DDAH1: variants seen among roughly 807,000 people sequenced by gnomAD.
DDAH1 encodes dimethylarginine dimethylaminohydrolase 1.
In DDAH1, 19 loss-of-function variants were observed where a neutral mutation model predicts 28.8. The observed-to-expected ratio is 0.66, with a 90% confidence interval of 0.46 to 0.97. DDAH1 has a LOEUF of 0.97. DDAH1 is among the 50% of genes least tolerant of loss of function. The pLI, the probability that DDAH1 is intolerant of heterozygous loss-of-function variation, is 0.00. For synonymous variants in DDAH1, 153 were observed against 154.4 expected (o/e 0.99, Z 0.07); for missense variants, 326 against 375.9 (o/e 0.87, Z 1.10).
rs577065608 is a variant in DDAH1, at chr1:85,563,577, T to C, written c.-123+14407A>G. Among the ~76,000 whole-genome samples, 18 of 152,286 alleles carry C rather than the reference T, an allele frequency of 1.2e-4. No homozygotes were observed. In the South Asian group the frequency reaches 3.5e-3, roughly 30 times the overall value. Reference sequence around the variant, plus strand: ...TGTGTTCCAAAACAAAATTCAAGAATATTTTAAGGAATATAATATCTAGCA... The same window carrying C: ...TGTGTTCCAAAACAAAATTCAAGAACATTTTAAGGAATATAATATCTAGCA... On this transcript the variant is annotated intron_variant, in intron 1 of 6. Coordinates refer to the DDAH1 transcript ENST00000426972.
Position 85,328,711 on chromosome 1 carries a change from G to A in DDAH1, c.598-3828C>T, listed in dbSNP as rs560124522. Among the ~76,000 whole-genome samples the A allele has an allele frequency of 9.9e-5, 15 of 152,272 alleles. No individual in the cohort carries two copies. In the South Asian group the frequency reaches 2.9e-3, roughly 29 times the overall value. On this transcript the variant is annotated intron_variant, in intron 4 of 5. Transcript: ENST00000284031. ...CTAAGTAGGACCCCAGTGGTTTGAGGACCTCAGAGAGATCCTTAGAACATG... is the reference window on the plus strand; with the variant it reads ...CTAAGTAGGACCCCAGTGGTTTGAGAACCTCAGAGAGATCCTTAGAACATG...
chr1:85,403,394 G>A (rs2100582408), intron 1 of DDAH1, among the ~76,000 whole-genome samples: 1 of 152,156 alleles, frequency 6.6e-6, no homozygotes, highest in Non-Finnish European at 1.5e-5. Context: ...TACTTAAAAT[G>A]TACTTGAAGG....
At chr1:85,537,062 C>T (rs148990926) in intron 1 of DDAH1, among the ~76,000 whole-genome samples, 6 of 149,474 alleles carry the variant, frequency 4.0e-5, no homozygotes, top group Admixed American at 6.7e-5. Flanking sequence ...CAAGAATAGC[C>T]GAGTGCAGTG....
chr1:85,324,887 T>C lies in DDAH1; in HGVS notation c.598-4A>G, dbSNP rs757298095. ...GGTCACTCATCTGTTGCATGATCTA[T>C]AAAGAGAAACAAAGCAGGCCTAAGA... is the stretch of plus-strand genomic sequence containing the variant. On this transcript the variant is annotated splice_polypyrimidine_tract_variant and splice_region_variant and intron_variant, in intron 4 of 5. Coordinates refer to ENST00000284031, the MANE Select transcript of DDAH1 (RefSeq NM_012137.4). 1 of 1,613,916 alleles carries C rather than the reference T, an allele frequency of 6.2e-7. No individual in the cohort carries two copies. Among genetic ancestry groups the C allele is most frequent in the African/African-American group, 1.3e-5 (1 of 75,028 alleles).
chr1:85,476,524 G>A (rs1275777234), intron 2 of DDAH1, among the ~76,000 whole-genome samples: 3 of 152,022 alleles, frequency 2.0e-5, no homozygotes, highest in Admixed American at 2.0e-4. Flanking sequence ...TTCTTCCAGA[G>A]CTTCTTCATG....
At chr1:85,465,227 G>C (rs949170035), upstream of DDAH1, 1 of 1,107,910 alleles carries the variant, frequency 9.0e-7, no homozygotes, top group Non-Finnish European at 1.1e-6. Context: ...AGAGCTCCGG[G>C]CGCCGGCCCG....
intron 1 of DDAH1, among the ~76,000 whole-genome samples, chr1:85,534,922 TG>T (rs1176447137): frequency 6.6e-6 from 1 of 152,178 alleles, no homozygotes; most frequent in African/African-American, 2.4e-5. Context: ...ACTACTTATT[TG>T]AACTTTGTTG....
rs984979794 is a variant in DDAH1, at chr1:85,512,856, C to A, written c.-122-16575G>T. 4.6e-5 allele frequency among the ~76,000 whole-genome samples: 7 copies of A among 152,190 alleles called. 1 individual carries two copies. In the South Asian group the frequency reaches 1.0e-3, roughly 23 times the overall value. On this transcript the variant is annotated intron_variant, in intron 1 of 6. Coordinates refer to the DDAH1 transcript ENST00000426972. ...CTGCTCAATGAAATAAAAGAGGACA[C>A]CAACAAATGGAAGAGTATTCCATGA... is the stretch of plus-strand genomic sequence containing the variant.
chr1:85,400,424 G>C (rs1652034558), intron 1 of DDAH1, among the ~76,000 whole-genome samples: 1 of 151,818 alleles, frequency 6.6e-6, no homozygotes, highest in Non-Finnish European at 1.5e-5. Flanking sequence ...AGCTGGTCTT[G>C]ACTTCCTGAT....
chr1:85,437,320 T>C (rs1421533008), intron 1 of DDAH1, among the ~76,000 whole-genome samples: 1 of 152,172 alleles, frequency 6.6e-6, no homozygotes, highest in East Asian at 1.9e-4. Context: ...CTGCCGGATA[T>C]TTAAATAATT....
intron 2 of DDAH1, chr1:85,482,270 A>T (rs1254417661): frequency 6.6e-6 from 1 of 152,232 alleles, no homozygotes; most frequent in African/African-American, 2.4e-5. Flanking sequence ...CAAGACAGAG[A>T]TACCAAGTGA....
intron 2 of DDAH1, among the ~76,000 whole-genome samples, chr1:85,478,728 G>C (rs1338341951): frequency 6.6e-6 from 1 of 152,156 alleles, no homozygotes; most frequent in Admixed American, 6.5e-5. Context: ...AATGTTTCTT[G>C]AATTTTATAA....
At chr1:85,335,926 T>C (rs1648077868) in intron 4 of DDAH1, among the ~76,000 whole-genome samples, 1 of 151,822 alleles carries the variant, frequency 6.6e-6, no homozygotes, top group African/African-American at 2.4e-5. Flanking sequence ...TGTATCACTG[T>C]ACTCCAGCCT....
chr1:85,550,170 C>T (rs954929899), intron 1 of DDAH1, among the ~76,000 whole-genome samples: 6 of 152,184 alleles, frequency 3.9e-5, no homozygotes, highest in South Asian at 2.1e-4. Flanking sequence ...TGTTTCCTAA[C>T]TCTTTAGTTT....
chr1:85,375,824 C>G (rs762279020), intron 1 of DDAH1, among the ~76,000 whole-genome samples: 10 of 152,074 alleles, frequency 6.6e-5, no homozygotes, highest in Non-Finnish European at 1.3e-4. Flanking sequence ...AATGACCAAC[C>G]TTAAGGGAAA....
At chr1:85,430,954 A>G (rs541123025) in intron 1 of DDAH1, among the ~76,000 whole-genome samples, 1 of 152,292 alleles carries the variant, frequency 6.6e-6, no homozygotes, top group East Asian at 1.9e-4. Flanking sequence ...GACAGAGGGC[A>G]TCCTTGTCCT....
intron 1 of DDAH1, among the ~76,000 whole-genome samples, chr1:85,420,995 A>G (rs11161613): frequency 0.046 from 7,039 of 152,230 alleles, 267 homozygotes; most frequent in South Asian, 0.18. Context: ...CGGAAGGTGA[A>G]GCGGGAACTG....
At chr1:85,416,127 A>G (rs200235826) in intron 1 of DDAH1, among the ~76,000 whole-genome samples, 2 of 152,320 alleles carry the variant, frequency 1.3e-5, no homozygotes, top group South Asian at 4.1e-4. Flanking sequence ...ATTTGCATAT[A>G]ATTTACTTCG....
intron 1 of DDAH1, among the ~76,000 whole-genome samples, chr1:85,385,815 CAAG>C (rs766612026): frequency 5.1e-4 from 78 of 152,190 alleles, no homozygotes; most frequent in South Asian, 1.5e-3. Flanking sequence ...ACAGGTTGCA[CAAG>C]AAGAATGGTG....
Sources: gnomAD v4.1 joint callset for allele counts (sites outside exome capture counted in the v4.1 genomes callset) on GRCh38, gnomAD v4.1.1 for gene constraint, MANE v1.5 for transcripts, NCBI Gene and HGNC (gene_info 2026-07-23, HGNC 2026-07-21) for gene names.